CIROP: variants seen among roughly 807,000 people sequenced by gnomAD.
CIROP encodes the protein ciliated left-right organizer metallopeptidase, also known as leishmanolysin homolog.
the CIROP span, chr14:23,102,443 C>T: frequency 1.4e-6 from 1 of 702,936 alleles, no homozygotes; most frequent in East Asian, 2.7e-5. Flanking sequence ...GTTGTCCCCA[C>T]TCATCTTGCC....
At chr14:23,101,158 A>G in the CIROP span, 1 of 405,534 alleles carries the variant, frequency 2.5e-6, no homozygotes, top group Non-Finnish European at 4.4e-6. Flanking sequence ...TATATTCTAG[A>G]TCAGAGTCAT....
the CIROP span, chr14:23,101,651 GCT>G: frequency 1.4e-6 from 1 of 702,856 alleles, no homozygotes; most frequent in Non-Finnish European, 2.6e-6. Context: ...TTCATTGTCT[GCT>G]CTCTTATCTA....
chr14:23,104,752 G>A, the CIROP span: 10 of 702,878 alleles, frequency 1.4e-5, no homozygotes, highest in African/African-American at 1.0e-4. Flanking sequence ...TGAGGATCAC[G>A]GGAGCTAGGG....
At chr14:23,102,610 C>T in the CIROP span, 2 of 703,038 alleles carry the variant, frequency 2.8e-6, no homozygotes, top group East Asian at 2.7e-5. Flanking sequence ...AAGTCCTTAA[C>T]CTCATTCCTC....
At chr14:23,103,490 G>A in the CIROP span, 2 of 559,086 alleles carry the variant, frequency 3.6e-6, no homozygotes, top group African/African-American at 3.8e-5. Context: ...GGAGGTCAAG[G>A]CTGCGGTGAG....
At chr14:23,102,522 G>A in the CIROP span, 15 of 698,674 alleles carry the variant, frequency 2.1e-5, no homozygotes, top group Admixed American at 1.8e-4. Context: ...TACGAGGAGA[G>A]GAAAACTTAG....
At chr14:23,102,759 G>A in the CIROP span, 1 of 702,812 alleles carries the variant, frequency 1.4e-6, no homozygotes, top group Non-Finnish European at 2.6e-6. Context: ...TTTGCAGCAG[G>A]ATTGACCAAA....
At chr14:23,101,015 A>C in the CIROP span, 1 of 399,268 alleles carries the variant, frequency 2.5e-6, no homozygotes, top group Non-Finnish European at 4.4e-6. Flanking sequence ...AACAGCATTG[A>C]TATCTTCATT....
the CIROP span, chr14:23,102,518 G>A: frequency 1.4e-6 from 1 of 699,176 alleles, no homozygotes; most frequent in Middle Eastern, 2.3e-4. Context: ...GCAGTACGAG[G>A]AGAGGAAAAC....
chr14:23,104,460 G>A, the CIROP span: 50 of 702,996 alleles, frequency 7.1e-5, no homozygotes, highest in East Asian at 1.3e-3. Flanking sequence ...CAGAAGCAGG[G>A]GTCCTTGCAC....
the CIROP span, chr14:23,101,230 T>G: frequency 8.9e-6 from 4 of 450,896 alleles, no homozygotes; most frequent in Non-Finnish European, 1.6e-5. Context: ...AGTACCACCA[T>G]ACAAGTATTT....
the CIROP span, chr14:23,104,446 G>T: frequency 1.4e-6 from 1 of 702,970 alleles, no homozygotes; most frequent in South Asian, 1.5e-5. Context: ...GCAGGGTCTC[G>T]ACTCAGAAGC....
the CIROP span, chr14:23,100,806 T>G: frequency 2.5e-6 from 1 of 398,958 alleles, no homozygotes; most frequent in Non-Finnish European, 4.4e-6. Context: ...GTAAAGGACT[T>G]AGGGATTCTC....
the CIROP span, chr14:23,103,429 C>G: frequency 1.1e-5 from 5 of 450,332 alleles, no homozygotes; most frequent in African/African-American, 2.0e-5. Flanking sequence ...TGGTGCATGC[C>G]TGTAATCCTA....
the CIROP span, chr14:23,100,483 A>G: frequency 9.7e-6 from 4 of 413,518 alleles, no homozygotes; most frequent in Non-Finnish European, 1.8e-5. Flanking sequence ...TTGAAAGGAA[A>G]GTACTTGGAA....
At chr14:23,101,714 G>C in the CIROP span, 1 of 702,968 alleles carries the variant, frequency 1.4e-6, no homozygotes, top group Non-Finnish European at 2.6e-6. Context: ...CCAGCATGGG[G>C]TCTGAGGAGC....
At chr14:23,102,588 G>A in the CIROP span, 1 of 702,890 alleles carries the variant, frequency 1.4e-6, no homozygotes, top group Non-Finnish European at 2.6e-6. Flanking sequence ...ATTTCCTCTG[G>A]TTGATGGTGG....
the CIROP span, chr14:23,102,502 A>G: frequency 1.4e-6 from 1 of 699,952 alleles, no homozygotes; most frequent in Non-Finnish European, 2.6e-6. Flanking sequence ...GCAGAAAGGG[A>G]AGAAGGCAGT....
the CIROP span, chr14:23,104,902 GCA>G: frequency 1.5e-6 from 1 of 647,826 alleles, no homozygotes; most frequent in Non-Finnish European, 2.7e-6. Context: ...AGCAGCAGCA[GCA>G]GCAGCAGCAG....
Sources: gnomAD v4.1 joint callset for allele counts on GRCh38, gnomAD v4.1.1 for gene constraint, MANE v1.5 for transcripts, NCBI Gene and HGNC (gene_info 2026-07-23, HGNC 2026-07-21) for gene names.